Variants in BIRC5 observed in about 807,000 individuals in gnomAD.
BIRC5 encodes the protein baculoviral IAP repeat-containing protein 5.
Under a neutral mutation model 15.8 loss-of-function variants are expected in BIRC5, and 8 were observed. The observed-to-expected ratio is 0.51, with a 90% CI of 0.30 to 0.91. The LOEUF (loss-of-function observed/expected upper bound fraction) is 0.91. BIRC5 is among the 40% of genes least tolerant of loss of function. The pLI is 0.07. For missense variants in BIRC5, 163 were observed against 178.6 expected (o/e 0.91, Z 0.50); for synonymous variants, 56 against 64.5 (o/e 0.87, Z 0.63).
At chr17:78,215,101 T>A (rs182000797) in intron 2 of BIRC5, 57 of 281,860 alleles carry the variant, frequency 2.0e-4, no homozygotes, top group Non-Finnish European at 3.4e-4. Context: ...TGAGATTTTT[T>A]AAAAAACAGT....
rs1316570116 is a variant in BIRC5, at chr17:78,225,205, A to G, written c.*1651A>G. 6.6e-6 allele frequency: 1 copy of G among 152,198 alleles called. No individual in the cohort carries two copies. Among genetic ancestry groups the G allele is most frequent in the Non-Finnish European group, 1.5e-5 (1 of 68,036 alleles). The allele number at this position is 152,198 out of a possible 1,614,324, so 9.4% of individuals were successfully genotyped here. ...GCTTCTGTGAGCCTGTGCTGTGGGC[A>G]GGGCTGAGCTGGAGCCGCCCCTCTC... On this transcript the variant is annotated 3_prime_UTR_variant, in exon 4 of 4. Transcript: ENST00000350051.
chr17:78,221,908 C>T (rs1212620738), intron 3 of BIRC5, among the ~76,000 whole-genome samples: 4 of 152,192 alleles, frequency 2.6e-5, no homozygotes, highest in South Asian at 2.1e-4. Context: ...ATTATAAGTG[C>T]GCTGCTGGGC....
At chr17:78,214,580 C>A in intron 1 of BIRC5, 100 bp from the exon 2 acceptor site, 1 of 1,304,242 alleles carries the variant, frequency 7.7e-7, no homozygotes, top group Admixed American at 2.5e-5. Flanking sequence ...GGGTCCAGGC[C>A]GGCCTCCCCT....
intron 3 of BIRC5, among the ~76,000 whole-genome samples, chr17:78,220,291 G>T (rs1479232231): frequency 2.6e-5 from 4 of 152,168 alleles, no homozygotes; most frequent in African/African-American, 4.8e-5. Context: ...AGCTGGGCGT[G>T]GTGGCGGGCG....
Position 78,223,499 on chromosome 17 carries a change from A to C in BIRC5, c.374A>C (p.Glu125Ala). The change falls in exon 4 of 4, where the codon GAG becomes GCG. Residue 125 changes from glutamate (E) to alanine (A), a missense_variant. Coordinates refer to ENST00000350051, the MANE Select transcript of BIRC5 (RefSeq NM_001168.3). Reference protein sequence around the residue: ...KETNNKKKEFEETAEKVRRAI... With the variant: ...KETNNKKKEFAETAEKVRRAI... ...ACCAACAATAAGAAGAAAGAATTTG[A>C]GGAAACTGCGGAGAAAGTGCGCCGT... is the stretch of plus-strand genomic sequence containing the variant. 1 of 1,606,938 alleles carries C rather than the reference A, an allele frequency of 6.2e-7. No homozygotes were observed. Among genetic ancestry groups the C allele is most frequent in the Non-Finnish European group, 8.5e-7 (1 of 1,176,858 alleles).
At chr17:78,219,371 G>T (rs2076501033) in intron 3 of BIRC5, among the ~76,000 whole-genome samples, 1 of 152,120 alleles carries the variant, frequency 6.6e-6, no homozygotes, top group South Asian at 2.1e-4. Context: ...TTTTAGTAGA[G>T]ACAGGGTTTT....
chr17:78,215,942 CT>C, intron 2 of BIRC5: 1 of 1,066,012 alleles, frequency 9.4e-7, no homozygotes, highest in Non-Finnish European at 1.2e-6. Flanking sequence ...CAATAATGCC[CT>C]TCTCTGCCCT....
At chr17:78,220,674 CT>C (rs2076509191) in intron 3 of BIRC5, among the ~76,000 whole-genome samples, 1 of 152,058 alleles carries the variant, frequency 6.6e-6, no homozygotes, top group Admixed American at 6.6e-5. Context: ...ATACAGAATA[CT>C]TTTATGGATT....
intron 3 of BIRC5, 31 bp downstream of exon 3, chr17:78,216,812 C>A: frequency 6.5e-7 from 1 of 1,538,448 alleles, no homozygotes. Flanking sequence ...CTGCTCAAAC[C>A]CTGTTCAATG....
At chr17:78,218,924 T>C (rs2076498718) in intron 3 of BIRC5, among the ~76,000 whole-genome samples, 1 of 152,018 alleles carries the variant, frequency 6.6e-6, no homozygotes, top group African/African-American at 2.4e-5. Context: ...CATATATTCT[T>C]ATTTGCTAAG....
intron 3 of BIRC5, among the ~76,000 whole-genome samples, chr17:78,219,825 C>T (rs1164865942): frequency 6.6e-6 from 1 of 152,222 alleles, no homozygotes; most frequent in African/African-American, 2.4e-5. Flanking sequence ...GGATTTGGCC[C>T]AGCAGGCCCT....
At chr17:78,219,224 G>A (rs565222420) in intron 3 of BIRC5, among the ~76,000 whole-genome samples, 30 of 152,136 alleles carry the variant, frequency 2.0e-4, no homozygotes, top group Admixed American at 1.8e-3. Context: ...TCACTCAGTC[G>A]CCCAGGCTGG....
intron 2 of BIRC5, chr17:78,216,317 T>G (rs1472317538): frequency 1.1e-5 from 2 of 178,680 alleles, no homozygotes; most frequent in African/African-American, 4.7e-5. Flanking sequence ...ATGAAATTAC[T>G]TCAAACAGTT....
intron 3 of BIRC5, among the ~76,000 whole-genome samples, chr17:78,221,213 A>G (rs1283315490): frequency 1.3e-5 from 2 of 152,218 alleles, no homozygotes; most frequent in Non-Finnish European, 2.9e-5. Flanking sequence ...AAAACGAAGC[A>G]CTAGAAGGAG....
chr17:78,218,688 C>T (rs1389641941), intron 3 of BIRC5, among the ~76,000 whole-genome samples: 6 of 148,684 alleles, frequency 4.0e-5, no homozygotes, highest in Admixed American at 6.7e-5. Flanking sequence ...CTACAAGCTC[C>T]GCCTCCCGGG....
intron 3 of BIRC5, 69 bp downstream of exon 3, chr17:78,216,850 C>T (rs2076481919): frequency 1.4e-5 from 16 of 1,136,110 alleles, no homozygotes; most frequent in Admixed American, 2.1e-5. Flanking sequence ...CCTAGTCCCT[C>T]AAAGGGACTC....
Position 78,216,695 on chromosome 17 carries a change from G to A in BIRC5, c.253G>A (p.Ala85Thr), listed in dbSNP as rs747598585. ...EEHKKHSSGC[A>T]FLSVKKQFEE... ...ACATAAAAAGCATTCGTCCGGTTGCGCTTTCCTTTCTGTCAAGAAGCAGTT... is the reference window on the plus strand; with the variant it reads ...ACATAAAAAGCATTCGTCCGGTTGCACTTTCCTTTCTGTCAAGAAGCAGTT... The change falls in exon 3 of 4, where the codon GCT becomes ACT. Residue 85 changes from alanine (A) to threonine (T), a missense_variant. Physicochemically the swap from Ala to Thr is moderately conservative, Grantham distance 58. Transcript: ENST00000350051. 76 of 1,613,694 alleles carry A rather than the reference G, an allele frequency of 4.7e-5. No homozygotes were observed. Among genetic ancestry groups the A allele is most frequent in the Non-Finnish European group, 5.4e-5 (64 of 1,179,844 alleles).
At chr17:78,220,525 C>CT (rs1312318224) in intron 3 of BIRC5, among the ~76,000 whole-genome samples, 8 of 152,158 alleles carry the variant, frequency 5.3e-5, no homozygotes, top group African/African-American at 1.9e-4. Context: ...CTCTCGGTCT[C>CT]TATCTCCTGA....
At position 78,223,839 on chromosome 17, in the gene BIRC5, G is replaced by A; in HGVS notation, c.*285G>A. 1.8e-6 allele frequency: 1 copy of A among 563,974 alleles called. No individual in the cohort carries two copies. The highest frequency in any genetic ancestry group is 3.2e-5 in the East Asian group (1 of 31,348). The allele number at this position is 563,974 out of a possible 1,614,324, so 34.9% of individuals were successfully genotyped here. On this transcript the variant is annotated 3_prime_UTR_variant, in exon 4 of 4. Coordinates refer to ENST00000350051, the MANE Select transcript of BIRC5 (RefSeq NM_001168.3). ...GTTTTGATTCCCGGGCTTACCAGGT[G>A]AGAAGTGAGGGAGGAAGAAGGCAGT...
Sources: gnomAD v4.1 joint callset for allele counts (sites outside exome capture counted in the v4.1 genomes callset) on GRCh38, gnomAD v4.1.1 for gene constraint, MANE v1.5 for transcripts, NCBI Gene and HGNC (gene_info 2026-07-23, HGNC 2026-07-21) for gene names.